Variants in ATP2C1 observed in about 807,000 individuals in gnomAD.
ATP2C1 encodes the protein ATPase secretory pathway Ca2+ transporting 1.
ATP2C1 carries 31 observed loss-of-function variants against 120.5 expected under a neutral mutation model. The ratio of observed to expected loss-of-function variants is 0.26; its 90% CI spans 0.19 to 0.35. The LOEUF is 0.35. ATP2C1 is among the 10% of genes least tolerant of loss of function. The pLI is 1.00. For synonymous variants in ATP2C1, 351 were observed against 358.7 expected (o/e 0.98, Z 0.24); for missense variants, 731 against 1,107.5 (o/e 0.66, Z 4.83).
chr3:130,993,909 C>T, intron 21 of ATP2C1, 23 bp from the exon 22 acceptor site: 4 of 1,613,762 alleles, frequency 2.5e-6, no homozygotes, highest in Non-Finnish European at 3.4e-6. Flanking sequence ...CCTTCCTCTC[C>T]CCTGTCCTCT....
chr3:130,971,557 A>G (rs557019293), intron 17 of ATP2C1, among the ~76,000 whole-genome samples: 3 of 152,286 alleles, frequency 2.0e-5, no homozygotes, highest in Middle Eastern at 3.4e-3. Flanking sequence ...ATTTATCTCT[A>G]CTATCTCCCT....
chr3:130,934,417 T>C (rs1167672385), intron 4 of ATP2C1, among the ~76,000 whole-genome samples: 2 of 152,120 alleles, frequency 1.3e-5, no homozygotes, highest in Non-Finnish European at 2.9e-5. Context: ...ATTTTTTTTT[T>C]CTGAAAAGGA....
chr3:130,912,798 G>A (rs2058494668), intron 2 of ATP2C1, among the ~76,000 whole-genome samples: 2 of 151,688 alleles, frequency 1.3e-5, no homozygotes, highest in East Asian at 1.9e-4. Flanking sequence ...AAAGACACAT[G>A]CACATGTATG....
chr3:130,953,310 G>A (rs533841794), intron 8 of ATP2C1, among the ~76,000 whole-genome samples: 90 of 152,142 alleles, frequency 5.9e-4, no homozygotes, highest in African/African-American at 2.1e-3. Context: ...CTTGCAAATT[G>A]TAATTTGGAA....
chr3:130,892,495 T>G (rs1294466791), upstream of ATP2C1, among the ~76,000 whole-genome samples: 1 of 151,632 alleles, frequency 6.6e-6, no homozygotes, highest in Admixed American at 6.6e-5. Context: ...TTTTTATGGG[T>G]TCATCTTTAA....
chr3:130,931,853 A>C (rs947926765), intron 3 of ATP2C1, among the ~76,000 whole-genome samples, 169 bp from the exon 4 acceptor site: 19 of 151,958 alleles, frequency 1.3e-4, no homozygotes, highest in South Asian at 2.1e-4. Context: ...CTCCCTCTCT[A>C]TGTGTCACTT....
At chr3:131,013,607 G>A (rs1466888248) in intron 26 of ATP2C1, among the ~76,000 whole-genome samples, 1 of 152,208 alleles carries the variant, frequency 6.6e-6, no homozygotes, top group African/African-American at 2.4e-5. Context: ...TTTTAGTAGA[G>A]ACAGTTTTCT....
At chr3:130,946,045 G>A (rs1489084374) in intron 8 of ATP2C1, among the ~76,000 whole-genome samples, 1 of 152,020 alleles carries the variant, frequency 6.6e-6, no homozygotes, top group Non-Finnish European at 1.5e-5. Context: ...TTGCTTTGTG[G>A]TTCATGTGCT....
chr3:131,014,292 T>C, intron 26 of ATP2C1: 1 of 1,614,150 alleles, frequency 6.2e-7, no homozygotes, highest in Non-Finnish European at 8.5e-7. Flanking sequence ...TTCATAAAGT[T>C]GCTTAGCCTC....
At chr3:131,016,302 C>T in exon 27 of ATP2C1, 1 of 1,614,132 alleles carries the variant, frequency 6.2e-7, no homozygotes, top group Non-Finnish European at 8.5e-7. Flanking sequence ...ACTCTGCATA[C>T]AACATCTTAG....
chr3:130,998,400 G>T lies in ATP2C1; in HGVS notation c.2487+11G>T. 1.3e-6 allele frequency: 2 copies of T among 1,564,746 alleles called. No homozygotes were observed. Among genetic ancestry groups the T allele is most frequent in the Non-Finnish European group, 1.8e-6 (2 of 1,135,258 alleles). On this transcript the variant is annotated intron_variant, in intron 26 of 27. Transcript: ENST00000510168. ...AGTTCCAGATCCCAGGTATGTTTAG[G>T]TGAACTTAGTTGATTGACTTGATTG...
chr3:130,940,792 A>G, intron 7 of ATP2C1, 101 bp downstream of exon 7: 1 of 911,156 alleles, frequency 1.1e-6, no homozygotes. Context: ...TCTGAACATA[A>G]GGAAGATACT....
intron 12 of ATP2C1, chr3:130,963,736 A>G (rs144578736): frequency 3.8e-4 from 187 of 489,110 alleles, no homozygotes; most frequent in African/African-American, 3.5e-3. Context: ...GAAGCCAGGG[A>G]TACAAATCCA....
At chr3:130,980,368 G>A (rs530309991) in intron 19 of ATP2C1, among the ~76,000 whole-genome samples, 98 of 151,848 alleles carry the variant, frequency 6.5e-4, no homozygotes, top group African/African-American at 2.2e-3. Flanking sequence ...CTGAGCCACC[G>A]TGGCCAGCCT....
intron 11 of ATP2C1, among the ~76,000 whole-genome samples, chr3:130,958,178 G>A (rs1328512477): frequency 1.3e-5 from 2 of 151,866 alleles, no homozygotes; most frequent in South Asian, 2.1e-4. Flanking sequence ...TATTACATTG[G>A]ACATAATTTT....
chr3:130,883,464 T>C (rs889637437), intron 1 of ATP2C1, among the ~76,000 whole-genome samples: 2 of 85,526 alleles, frequency 2.3e-5, no homozygotes, highest in Non-Finnish European at 5.3e-5. Flanking sequence ...TTCTTCTCCT[T>C]CTTTTTTTTT....
intron 2 of ATP2C1, among the ~76,000 whole-genome samples, chr3:130,921,231 G>A (rs1559925458): frequency 6.6e-6 from 1 of 151,844 alleles, no homozygotes; most frequent in African/African-American, 2.4e-5. Flanking sequence ...ATAGGTGCCT[G>A]CCACCACACC....
At chr3:130,997,467 C>A in intron 24 of ATP2C1, 139 bp from the exon 25 acceptor site, 1 of 758,834 alleles carries the variant, frequency 1.3e-6, no homozygotes, top group Non-Finnish European at 2.1e-6. Flanking sequence ...GCGTAATCAG[C>A]CAGCGTTTTA....
At chr3:130,942,599 C>G (rs140141807) in intron 8 of ATP2C1, among the ~76,000 whole-genome samples, 18 of 152,260 alleles carry the variant, frequency 1.2e-4, no homozygotes, top group Non-Finnish European at 2.2e-4. Context: ...GTAATAAGAA[C>G]AAACTTGGCT....
Sources: gnomAD v4.1 joint callset for allele counts (sites outside exome capture counted in the v4.1 genomes callset) on GRCh38, gnomAD v4.1.1 for gene constraint, MANE v1.5 for transcripts, NCBI Gene and HGNC (gene_info 2026-07-23, HGNC 2026-07-21) for gene names.